The following ZCCHC10 variants were observed in gnomAD, a reference collection of about 807,000 sequenced individuals.
ZCCHC10 encodes the protein zinc finger CCHC-type containing 10.
A neutral mutation model predicts 19.5 loss-of-function variants in ZCCHC10; 16 were observed. The ratio of observed to expected loss-of-function variants is 0.82; its 90% CI spans 0.56 to 1.25. The LOEUF is 1.25. Ranked by LOEUF, ZCCHC10 falls within the 50% of genes most tolerant of loss-of-function variation. The probability of loss-of-function intolerance (pLI) is 0.00; values close to 1 mark genes in which losing one functional copy is unlikely to be tolerated. For missense variants in ZCCHC10, 197 were observed against 201.0 expected (o/e 0.98, Z 0.12); for synonymous variants, 67 against 72.5 (o/e 0.92, Z 0.38).
chr5:133,009,252 T>A (rs1229700384), intron 2 of ZCCHC10, among the ~76,000 whole-genome samples: 2 of 151,852 alleles, frequency 1.3e-5, no homozygotes, highest in African/African-American at 4.8e-5. Context: ...ATCCACCTAC[T>A]TCGGCCTCCC....
intron 2 of ZCCHC10, among the ~76,000 whole-genome samples, chr5:133,012,254 G>A (rs1361659004): frequency 6.6e-6 from 1 of 151,486 alleles, no homozygotes; most frequent in East Asian, 1.9e-4. Flanking sequence ...AATCACCTGA[G>A]GCCAGGAGTT....
chr5:133,004,996 C>T (rs1289148072), intron 3 of ZCCHC10, among the ~76,000 whole-genome samples: 1 of 151,712 alleles, frequency 6.6e-6, no homozygotes, highest in Non-Finnish European at 1.5e-5. Flanking sequence ...GAGGGAAAAA[C>T]CTTAAAAAAG....
intron 1 of ZCCHC10, among the ~76,000 whole-genome samples, chr5:133,023,968 C>G (rs1764503393): frequency 6.6e-6 from 1 of 152,168 alleles, no homozygotes; most frequent in South Asian, 2.1e-4. Context: ...CCTCTAAAGG[C>G]CCTCCTTTGC....
intron 2 of ZCCHC10, among the ~76,000 whole-genome samples, chr5:133,012,202 T>G (rs1763600361): frequency 6.7e-6 from 1 of 148,346 alleles, no homozygotes; most frequent in Non-Finnish European, 1.5e-5. Flanking sequence ...GCTCAGTGGC[T>G]CACGCCTGTA....
intron 3 of ZCCHC10, among the ~76,000 whole-genome samples, chr5:133,002,912 G>C (rs34550358): frequency 6.6e-6 from 1 of 151,782 alleles, no homozygotes; most frequent in Non-Finnish European, 1.5e-5. Flanking sequence ...TAGAGATGGC[G>C]TTTCACCATG....
At chr5:133,022,506 T>C (rs1052609284) in intron 2 of ZCCHC10, among the ~76,000 whole-genome samples, 1 of 151,858 alleles carries the variant, frequency 6.6e-6, no homozygotes, top group Non-Finnish European at 1.5e-5. Flanking sequence ...CAGGCTGGAC[T>C]GCAGTGGCGA....
rs562395969 is a variant in ZCCHC10 at position 133,006,629 on chromosome 5, G to A, written c.269+130C>T. 40 of 897,046 alleles carry A rather than the reference G, an allele frequency of 4.5e-5. No individual in the cohort carries two copies. The African/African-American group carries it at 6.4e-4, about 14-fold the overall frequency. 55.6% of individuals were successfully genotyped at this position (897,046 alleles called of 1,614,324 possible). On this transcript the variant is annotated intron_variant, in intron 3 of 4. Transcript: ENST00000509437. ...ACCCTAGAATAGTACTTGGCACACA[G>A]TAAGCATCTATTAAACATTAGTAAC...
At chr5:133,010,793 T>C (rs1763448898) in intron 2 of ZCCHC10, among the ~76,000 whole-genome samples, 1 of 148,370 alleles carries the variant, frequency 6.7e-6, no homozygotes, top group Non-Finnish European at 1.5e-5. Context: ...TAAAAGGAAC[T>C]TTTTTTTTTC....
Position 133,006,801 on chromosome 5 carries a change from T to C in ZCCHC10, c.227A>G (p.Lys76Arg), listed in dbSNP as rs368628799. 3.1e-6 allele frequency: 5 copies of C among 1,609,312 alleles called. No individual in the cohort carries two copies. The highest frequency in any genetic ancestry group is 4.2e-6 in the Non-Finnish European group (5 of 1,178,920). The change falls in exon 3 of 5, where the codon AAA becomes AGA. Residue 76 changes from lysine to arginine, a missense_variant. Physicochemically the swap from Lys to Arg is conservative, Grantham distance 26. Coordinates refer to ENST00000509437, the MANE Select transcript of ZCCHC10 (RefSeq NM_001300816.3). ...TCTGTTTTCTTTTTCTTTTAAAGCTTTCTTTAGTTCTGCTGTCCTTGAGGG... is the reference window on the plus strand; with the variant it reads ...TCTGTTTTCTTTTTCTTTTAAAGCTCTCTTTAGTTCTGCTGTCCTTGAGGG... ...HRPSRTAELK[K>R]ALKEKENRLL...
Position 132,997,585 on chromosome 5 carries a change from T to C in ZCCHC10, c.*998A>G, listed in dbSNP as rs911330276. 4.6e-5 allele frequency: 7 copies of C among 152,172 alleles called. No homozygotes were observed. Among genetic ancestry groups the C allele is most frequent in the African/African-American group, 1.7e-4 (7 of 41,458 alleles). 9.4% of individuals were successfully genotyped at this position (152,172 alleles called of 1,614,324 possible). A position where few individuals can be genotyped will look rare whatever the true frequency, so the allele number is the denominator to read the frequency against. The stretch of plus-strand genomic sequence containing the variant: ...ACACCAGATTAATCCTAGTCATTCA[T>C]ATATATGCAGTAGACTGTCATATAT... On this transcript the variant is annotated 3_prime_UTR_variant, in exon 5 of 5. Coordinates refer to ENST00000509437, the MANE Select transcript of ZCCHC10 (RefSeq NM_001300816.3).
At chr5:133,019,595 G>C (rs371959919) in intron 2 of ZCCHC10, among the ~76,000 whole-genome samples, 1 of 152,106 alleles carries the variant, frequency 6.6e-6, no homozygotes, top group Admixed American at 6.6e-5. Context: ...GACACCGCTG[G>C]TAAGAATGTA....
At chr5:133,006,513 C>G (rs1366932817) in intron 3 of ZCCHC10, among the ~76,000 whole-genome samples, 1 of 152,102 alleles carries the variant, frequency 6.6e-6, no homozygotes, top group Non-Finnish European at 1.5e-5. Context: ...CATCTCCTTG[C>G]TTTAGTTTCT....
chr5:133,006,787 T>C lies in ZCCHC10; in HGVS notation c.241A>G (p.Lys81Glu). ...TAELKKALKE[K>E]ENRLLLQQSI... Reference sequence around the variant, plus strand: ...TGTTGCAATAATAATCTGTTTTCTTTTTCTTTTAAAGCTTTCTTTAGTTCT... The same window carrying C: ...TGTTGCAATAATAATCTGTTTTCTTCTTCTTTTAAAGCTTTCTTTAGTTCT... The change falls in exon 3 of 5, where the codon AAA (lysine) becomes GAA (glutamate). Residue 81 changes from lysine (K) to glutamate (E), a missense_variant. Transcript: ENST00000509437. The C allele has an allele frequency of 1.9e-6, 3 of 1,606,372 alleles. No individual in the cohort carries two copies. Among genetic ancestry groups the C allele is most frequent in the Non-Finnish European group, 2.5e-6 (3 of 1,178,256 alleles).
At chr5:133,015,599 G>A (rs953499002) in intron 2 of ZCCHC10, among the ~76,000 whole-genome samples, 3 of 152,086 alleles carry the variant, frequency 2.0e-5, no homozygotes, top group Admixed American at 6.6e-5. Context: ...TGACCCATGT[G>A]GCAAGGAACC....
chr5:133,013,072 A>T (rs1407121221), intron 2 of ZCCHC10, among the ~76,000 whole-genome samples: 4 of 148,352 alleles, frequency 2.7e-5, no homozygotes. Context: ...AAAAAAAAAA[A>T]AAAATAATAA....
chr5:133,023,594 G>A (rs1484688180), intron 1 of ZCCHC10, among the ~76,000 whole-genome samples: 3 of 151,572 alleles, frequency 2.0e-5, no homozygotes, highest in Non-Finnish European at 2.9e-5. Context: ...GACCAACATG[G>A]AGAAACCCCG....
chr5:132,999,673 T>TA (rs75591310), intron 4 of ZCCHC10, among the ~76,000 whole-genome samples: 7,506 of 152,160 alleles, frequency 0.049, 564 homozygotes, highest in East Asian at 0.29. Context: ...CCAGACAGGT[T>TA]AAAAAAAGGA....
rs550681254 is a variant in ZCCHC10, at chr5:133,015,656, A to G, written c.107+7185T>C. Among the ~76,000 whole-genome samples the G allele has an allele frequency of 2.0e-5, 3 of 152,292 alleles. No individual in the cohort carries two copies. In the East Asian group the frequency reaches 5.8e-4, roughly 29 times the overall value. ...TGTAAGTGAACCATCTTGGAAGCAG[A>G]TTCCCAGTTCTGGTCAAGCCTTCAG... On this transcript the variant is annotated intron_variant, in intron 2 of 4. Coordinates refer to ENST00000509437, the MANE Select transcript of ZCCHC10 (RefSeq NM_001300816.3).
chr5:133,016,787 C>T (rs966314472), intron 2 of ZCCHC10, among the ~76,000 whole-genome samples: 1 of 152,122 alleles, frequency 6.6e-6, no homozygotes, highest in Non-Finnish European at 1.5e-5. Context: ...AACCTGGCTC[C>T]CACTATCCTT....
Sources: gnomAD v4.1 joint callset for allele counts (sites outside exome capture counted in the v4.1 genomes callset) on GRCh38, gnomAD v4.1.1 for gene constraint, MANE v1.5 for transcripts, NCBI Gene and HGNC (gene_info 2026-07-23, HGNC 2026-07-21) for gene names.